EHMT1: variants seen among roughly 807,000 people sequenced by gnomAD.
EHMT1 encodes euchromatic histone lysine methyltransferase 1, also known as histone-lysine N-methyltransferase EHMT1.
Under a neutral mutation model 147.2 loss-of-function variants are expected in EHMT1, and 15 were observed. The observed-to-expected ratio is 0.10, with a 90% CI of 0.07 to 0.16. The LOEUF (loss-of-function observed/expected upper bound fraction) is 0.16. EHMT1 is among the 10% of genes least tolerant of loss of function. EHMT1 has a pLI of 1.00. For missense variants in EHMT1, 1,587 were observed against 1,772.4 expected (o/e 0.90, Z 1.88); for synonymous variants, 795 against 709.6 (o/e 1.12, Z -1.91).
chr9:137,817,774 G>C (rs374109748), intron 24 of EHMT1: 3 of 630,534 alleles, frequency 4.8e-6, no homozygotes, highest in East Asian at 2.7e-5. Flanking sequence ...GCGTGGTCCA[G>C]TTAGGAAGGC....
At chr9:137,702,945 T>TC (rs1943961161) in intron 1 of EHMT1, among the ~76,000 whole-genome samples, 4 of 152,358 alleles carry the variant, frequency 2.6e-5, no homozygotes, top group Admixed American at 2.0e-4. Flanking sequence ...GTATGGATGA[T>TC]ATCCATACAT....
Position 137,816,066 on chromosome 9 carries a change from A to G in EHMT1, c.3374+4A>G. 2 of 1,608,874 alleles carry G rather than the reference A, an allele frequency of 1.2e-6. No individual in the cohort carries two copies. Among genetic ancestry groups the G allele is most frequent in the Middle Eastern group, 1.7e-4 (1 of 6,056 alleles). Reference sequence around the variant, plus strand: ...GCGTCGTACAGAATGGTCTCAGGTGAGAGGCAGCTTCCTGCCGGAGCCCCA... The same window carrying G: ...GCGTCGTACAGAATGGTCTCAGGTGGGAGGCAGCTTCCTGCCGGAGCCCCA... On this transcript the variant is annotated splice_donor_region_variant and intron_variant, in intron 23 of 26. Coordinates refer to ENST00000460843, the MANE Select transcript of EHMT1 (RefSeq NM_024757.5).
At chr9:137,803,069 G>A (rs1382284712) in intron 18 of EHMT1, 1 of 1,230,266 alleles carries the variant, frequency 8.1e-7, no homozygotes, top group African/African-American at 1.6e-5. Flanking sequence ...CGGCCCTAGT[G>A]TGGCTGGTCG....
intron 1 of EHMT1, among the ~76,000 whole-genome samples, chr9:137,682,855 A>C (rs1332740470): frequency 1.3e-5 from 2 of 152,222 alleles, no homozygotes; most frequent in African/African-American, 4.8e-5. Context: ...CTGGGCCCCT[A>C]GGACGATGGG....
At chr9:137,684,471 G>A (rs1042401626) in intron 1 of EHMT1, among the ~76,000 whole-genome samples, 8 of 152,000 alleles carry the variant, frequency 5.3e-5, no homozygotes, top group Non-Finnish European at 1.2e-4. Flanking sequence ...TTCCTACAAA[G>A]CCATTATTTT....
intron 1 of EHMT1, among the ~76,000 whole-genome samples, chr9:137,657,143 T>G (rs964186548): frequency 8.5e-5 from 13 of 152,150 alleles, no homozygotes; most frequent in African/African-American, 3.1e-4. Flanking sequence ...ACTTGTGTGT[T>G]ATGGCCGGTG....
intron 1 of EHMT1, among the ~76,000 whole-genome samples, chr9:137,625,001 C>T (rs1843164996): frequency 1.3e-5 from 2 of 152,064 alleles, no homozygotes; most frequent in South Asian, 4.1e-4. Flanking sequence ...CTTGTCTCAG[C>T]CTCCCAAGTA....
At chr9:137,710,174 A>T (rs1203809121) in intron 1 of EHMT1, among the ~76,000 whole-genome samples, 2 of 151,604 alleles carry the variant, frequency 1.3e-5, no homozygotes, top group South Asian at 2.1e-4. Flanking sequence ...AAAAAAAAAA[A>T]TTCTGTCCAA....
chr9:137,693,086 A>G (rs1943080027), intron 1 of EHMT1, among the ~76,000 whole-genome samples: 1 of 152,150 alleles, frequency 6.6e-6, no homozygotes, highest in Non-Finnish European at 1.5e-5. Flanking sequence ...TAGAAAGGAA[A>G]AGTGTAGTGG....
At chr9:137,649,599 A>C (rs567677373) in intron 1 of EHMT1, among the ~76,000 whole-genome samples, 4 of 152,328 alleles carry the variant, frequency 2.6e-5, no homozygotes, top group African/African-American at 9.6e-5. Flanking sequence ...AAGTCGTCGT[A>C]GATTTAGGGT....
intron 1 of EHMT1, among the ~76,000 whole-genome samples, chr9:137,642,644 ATATT>A (rs1175721901): frequency 2.6e-5 from 4 of 152,148 alleles, no homozygotes; most frequent in Non-Finnish European, 4.4e-5. Flanking sequence ...ACTATATGAA[ATATT>A]TATTTGGGCA....
intron 1 of EHMT1, among the ~76,000 whole-genome samples, chr9:137,679,976 C>G (rs748050724): frequency 1.3e-5 from 2 of 152,164 alleles, no homozygotes; most frequent in African/African-American, 2.4e-5. Context: ...AGTACTTAGC[C>G]AGCTGCCTCA....
At chr9:137,778,877 C>T (rs1016262644) in intron 13 of EHMT1, among the ~76,000 whole-genome samples, 2 of 152,210 alleles carry the variant, frequency 1.3e-5, no homozygotes, top group Non-Finnish European at 2.9e-5. Flanking sequence ...TGGGAGGCCT[C>T]AGGAAGCTAC....
At chr9:137,704,565 G>T (rs1944094815) in intron 1 of EHMT1, among the ~76,000 whole-genome samples, 1 of 152,034 alleles carries the variant, frequency 6.6e-6, no homozygotes, top group South Asian at 2.1e-4. Flanking sequence ...GTCATCCCTT[G>T]GCCATTTGTC....
intron 10 of EHMT1, among the ~76,000 whole-genome samples, chr9:137,765,626 A>G (rs1950162553): frequency 6.6e-6 from 1 of 151,670 alleles, no homozygotes; most frequent in African/African-American, 2.4e-5. Flanking sequence ...GGAGAAGCGG[A>G]GCCTGACCCC....
At chr9:137,831,154 C>G (rs1193699302) in intron 25 of EHMT1, among the ~76,000 whole-genome samples, 1 of 152,180 alleles carries the variant, frequency 6.6e-6, no homozygotes, top group Non-Finnish European at 1.5e-5. Flanking sequence ...AAAGCCTCAC[C>G]CTAACCTTGG....
chr9:137,669,325 C>A (rs1940139706), intron 1 of EHMT1, among the ~76,000 whole-genome samples: 4 of 135,602 alleles, frequency 2.9e-5, no homozygotes, highest in Admixed American at 7.6e-5. Flanking sequence ...AAAGACGCCC[C>A]CACAGCACGT....
intron 4 of EHMT1, among the ~76,000 whole-genome samples, chr9:137,741,187 A>G (rs1190349417): frequency 6.6e-6 from 1 of 152,090 alleles, no homozygotes; most frequent in Non-Finnish European, 1.5e-5. Context: ...TGTGTTAGCC[A>G]GGATGGTCTC....
intron 1 of EHMT1, among the ~76,000 whole-genome samples, chr9:137,639,107 G>A (rs1328920): frequency 0.035 from 5,269 of 152,152 alleles, 308 homozygotes; most frequent in African/African-American, 0.12. Flanking sequence ...TTAGAAGTGT[G>A]TCATTTAATT....
Sources: allele counts gnomAD v4.1 joint callset (sites outside exome capture counted in the v4.1 genomes callset), GRCh38; gene constraint gnomAD v4.1.1; transcripts MANE v1.5; gene names NCBI Gene and HGNC (gene_info 2026-07-23, HGNC 2026-07-21).